TUSC3: variants seen among roughly 807,000 people sequenced by gnomAD.
TUSC3 encodes the protein dolichyl-diphosphooligosaccharide--protein glycosyltransferase subunit TUSC3.
In TUSC3, 45 loss-of-function variants were observed where a neutral mutation model predicts 44.8. The ratio of observed to expected loss-of-function variants is 1.00; its 90% confidence interval spans 0.79 to 1.29. TUSC3 has a LOEUF of 1.29. Among genes scored for constraint, TUSC3 ranks in the 50% most tolerant of loss-of-function variants. The probability of loss-of-function intolerance (pLI) is 0.00; values close to 1 mark genes in which losing one functional copy is unlikely to be tolerated. For synonymous variants in TUSC3, 212 were observed against 152.9 expected (o/e 1.39, Z -2.85); for missense variants, 519 against 437.9 (o/e 1.19, Z -1.65).
At chr8:15,631,196 A>G (rs75051054) in intron 2 of TUSC3, among the ~76,000 whole-genome samples, 2,738 of 152,256 alleles carry the variant, frequency 0.018, 29 homozygotes, top group Middle Eastern at 0.034. Context: ...TTTGGTATAA[A>G]TGATGCCCTC....
intron 1 of TUSC3, among the ~76,000 whole-genome samples, chr8:15,570,302 A>T (rs1014542845): frequency 1.5e-4 from 21 of 142,358 alleles, no homozygotes; most frequent in African/African-American, 2.1e-4. Context: ...ACACACACAC[A>T]CTCTTACTGA....
the TUSC3 span, among the ~76,000 whole-genome samples, chr8:15,822,395 G>C: frequency 2.5e-4 from 38 of 152,154 alleles, no homozygotes; most frequent in African/African-American, 8.7e-4. Flanking sequence ...CCCCTAGGGA[G>C]ATGGCTTTCA....
At chr8:15,459,638 G>A (rs528510166) in intron 1 of TUSC3, among the ~76,000 whole-genome samples, 1 of 152,070 alleles carries the variant, frequency 6.6e-6, no homozygotes, top group African/African-American at 2.4e-5. Flanking sequence ...TTCTCTGCGA[G>A]TCTCCAAAAT....
At chr8:15,826,136 C>G in the TUSC3 span, among the ~76,000 whole-genome samples, 584 of 152,068 alleles carry the variant, frequency 3.8e-3, 4 homozygotes, top group African/African-American at 0.013. Context: ...ATGATTCTGA[C>G]TAGTTTAAAT....
chr8:15,634,389 C>G (rs1249639306), intron 2 of TUSC3, among the ~76,000 whole-genome samples: 2 of 152,186 alleles, frequency 1.3e-5, no homozygotes, highest in Admixed American at 6.5e-5. Flanking sequence ...GTTTTATTGA[C>G]TATGCCACTA....
chr8:15,455,115 A>G (rs1800238369), intron 1 of TUSC3, among the ~76,000 whole-genome samples: 2 of 152,140 alleles, frequency 1.3e-5, no homozygotes, highest in African/African-American at 2.4e-5. Flanking sequence ...CAAAGGCACT[A>G]TTAAAGTTTG....
At chr8:15,430,394 T>G (rs552275385) in intron 1 of TUSC3, among the ~76,000 whole-genome samples, 1 of 150,756 alleles carries the variant, frequency 6.6e-6, no homozygotes, top group East Asian at 1.9e-4. Flanking sequence ...ATTATCTCAA[T>G]AGATGCAGAA....
chr8:15,610,170 T>C (rs1804700339), intron 1 of TUSC3, among the ~76,000 whole-genome samples: 1 of 152,188 alleles, frequency 6.6e-6, no homozygotes, highest in African/African-American at 2.4e-5. Flanking sequence ...TGAGGGGCTT[T>C]GCGTTTTAGG....
intron 6 of TUSC3, among the ~76,000 whole-genome samples, chr8:15,679,488 T>G (rs1186657390): frequency 6.6e-6 from 1 of 152,204 alleles, no homozygotes; most frequent in African/African-American, 2.4e-5. Flanking sequence ...TTATAGATTC[T>G]GGATATTAGT....
the TUSC3 span, chr8:15,806,464 C>T: frequency 9.4e-6 from 8 of 854,946 alleles, no homozygotes; most frequent in East Asian, 2.4e-5. Flanking sequence ...CTTGACTTCC[C>T]TTATGCAAAC....
intron 1 of TUSC3, among the ~76,000 whole-genome samples, chr8:15,569,538 C>G (rs1317453415): frequency 6.6e-6 from 1 of 152,046 alleles, no homozygotes; most frequent in Non-Finnish European, 1.5e-5. Flanking sequence ...CAGAAGGAGC[C>G]AGGTATTTAG....
chr8:15,588,877 T>A (rs1442530997), intron 1 of TUSC3, among the ~76,000 whole-genome samples: 1 of 152,136 alleles, frequency 6.6e-6, no homozygotes, highest in Non-Finnish European at 1.5e-5. Flanking sequence ...ATATGTGGAT[T>A]TATTTCTGGA....
At chr8:15,418,350 G>A (rs533209974) in intron 1 of TUSC3, among the ~76,000 whole-genome samples, 8 of 151,922 alleles carry the variant, frequency 5.3e-5, no homozygotes, top group South Asian at 2.1e-4. Context: ...CATAGATGAC[G>A]CATTTTTTTT....
At position 15,668,972 on chromosome 8, in the gene TUSC3, A is replaced by T. The variant is rs188508346; in HGVS notation, c.709-4775A>T. ...TTTCCCAAGTGGAAAGCTTCTAAAA[A>T]GCAGAGTAGAGTATTTTGCAATCTT... On this transcript the variant is annotated intron_variant, in intron 5 of 10. Coordinates refer to ENST00000503731, the MANE Select transcript of TUSC3 (RefSeq NM_006765.4). Among the ~76,000 whole-genome samples, 3 of 151,868 alleles carry T rather than the reference A, an allele frequency of 2.0e-5. No individual in the cohort carries two copies. In the East Asian group the frequency reaches 5.8e-4, roughly 30 times the overall value.
chr8:15,690,613 C>G (rs1808857035), intron 6 of TUSC3, among the ~76,000 whole-genome samples: 1 of 152,040 alleles, frequency 6.6e-6, no homozygotes, highest in South Asian at 2.1e-4. Context: ...GTGTTATCTT[C>G]TAGGAGTTTT....
chr8:15,500,073 C>G (rs1200834428), intron 2 of TUSC3, among the ~76,000 whole-genome samples: 1 of 152,132 alleles, frequency 6.6e-6, no homozygotes, highest in East Asian at 1.9e-4. Context: ...ATCATCATAA[C>G]CATCATTTTC....
chr8:15,727,255 C>G (rs1810532249), intron 6 of TUSC3, among the ~76,000 whole-genome samples: 1 of 152,128 alleles, frequency 6.6e-6, no homozygotes, highest in South Asian at 2.1e-4. Flanking sequence ...TGAAAGCTAA[C>G]TATCTAAGGT....
chr8:15,579,410 G>C (rs1461416834), intron 1 of TUSC3, among the ~76,000 whole-genome samples: 4 of 110,824 alleles, frequency 3.6e-5, no homozygotes, highest in African/African-American at 1.4e-4. Context: ...TGTGATGTTA[G>C]GGTGTCAATT....
At chr8:15,834,490 A>G in the TUSC3 span, among the ~76,000 whole-genome samples, 1 of 152,144 alleles carries the variant, frequency 6.6e-6, no homozygotes, top group Admixed American at 6.6e-5. Flanking sequence ...TTAGACTGAA[A>G]CAGGTATGTT....
Sources: gnomAD v4.1 joint callset for allele counts (sites outside exome capture counted in the v4.1 genomes callset) on GRCh38, gnomAD v4.1.1 for gene constraint, MANE v1.5 for transcripts, NCBI Gene and HGNC (gene_info 2026-07-23, HGNC 2026-07-21) for gene names.